HDAC9: variants seen among roughly 807,000 people sequenced by gnomAD.
The protein encoded by HDAC9 is histone deacetylase 9, also known as MEF-2 interacting transcription repressor (MITR) protein.
In HDAC9, 41 loss-of-function variants were observed where a neutral mutation model predicts 139.4. That is an observed-to-expected ratio of 0.29 (90% CI 0.23 to 0.38). The LOEUF is 0.38. Ranked by LOEUF, HDAC9 falls within the 10% of genes least tolerant of loss-of-function variation. The pLI is 1.00. For synonymous variants in HDAC9, 517 were observed against 476.2 expected (o/e 1.09, Z -1.12); for missense variants, 1,147 against 1,297.0 (o/e 0.88, Z 1.78).
At chr7:18,963,415 C>A (rs1218063617) in intron 24 of HDAC9, among the ~76,000 whole-genome samples, 2 of 151,906 alleles carry the variant, frequency 1.3e-5, no homozygotes, top group Non-Finnish European at 2.9e-5. Flanking sequence ...AGATTAAGCC[C>A]AACAAAATAT....
At chr7:18,933,178 G>T (rs1221406151) in intron 22 of HDAC9, among the ~76,000 whole-genome samples, 1 of 152,056 alleles carries the variant, frequency 6.6e-6, no homozygotes, top group Non-Finnish European at 1.5e-5. Context: ...TCACAGTTCT[G>T]GTTACTGTAA....
intron 2 of HDAC9, among the ~76,000 whole-genome samples, chr7:18,244,118 C>T (rs945699594): frequency 2.6e-5 from 4 of 151,920 alleles, no homozygotes; most frequent in Non-Finnish European, 5.9e-5. Context: ...TAAAATAAAA[C>T]GAGTAACTTC....
intron 1 of HDAC9, among the ~76,000 whole-genome samples, chr7:18,122,794 T>G (rs906419568): frequency 2.6e-5 from 4 of 152,062 alleles, no homozygotes; most frequent in Admixed American, 2.0e-4. Flanking sequence ...AATTTTTATA[T>G]CTTTAGTTGA....
intron 1 of HDAC9, among the ~76,000 whole-genome samples, chr7:18,353,580 T>C (rs1783022386): frequency 1.3e-5 from 2 of 152,170 alleles, no homozygotes. Context: ...ATTCCCTGAG[T>C]GCAAATGAAT....
At chr7:18,600,915 G>A (rs752281147) in intron 6 of HDAC9, among the ~76,000 whole-genome samples, 1 of 152,034 alleles carries the variant, frequency 6.6e-6, no homozygotes, top group East Asian at 1.9e-4. Flanking sequence ...TGATCTTCCC[G>A]CCTCAGCCTC....
intron 22 of HDAC9, among the ~76,000 whole-genome samples, chr7:18,876,610 T>C (rs1265806569): frequency 6.6e-6 from 1 of 152,200 alleles, no homozygotes; most frequent in Non-Finnish European, 1.5e-5. Context: ...TCAAAGTTCT[T>C]ATCCTGAATC....
At chr7:18,410,146 G>A (rs1381689679) in intron 1 of HDAC9, among the ~76,000 whole-genome samples, 2 of 152,088 alleles carry the variant, frequency 1.3e-5, no homozygotes, top group African/African-American at 2.4e-5. Context: ...TAGTTTGAAG[G>A]TACTTCATCC....
At chr7:18,706,590 A>C (rs1178112) in intron 12 of HDAC9, among the ~76,000 whole-genome samples, 1 of 152,178 alleles carries the variant, frequency 6.6e-6, no homozygotes, top group East Asian at 1.9e-4. Context: ...CAAAGCTCAC[A>C]GTTGAGCGCA....
At chr7:18,819,776 C>G (rs949243440) in intron 17 of HDAC9, among the ~76,000 whole-genome samples, 10 of 152,128 alleles carry the variant, frequency 6.6e-5, no homozygotes, top group African/African-American at 2.4e-4. Context: ...TAGTCATGTT[C>G]ATGCCTGAAG....
rs1786712750 is a variant in HDAC9, at chr7:19,000,809, T to G, written c.*4747T>G. The G allele has an allele frequency of 6.6e-6, 1 of 152,182 alleles. No individual in the cohort carries two copies. The highest frequency in any genetic ancestry group is 2.4e-5 in the African/African-American group (1 of 41,458). The allele number at this position is 152,182 out of a possible 1,614,324, so 9.4% of individuals were successfully genotyped here. A position where few individuals can be genotyped will look rare whatever the true frequency, so the allele number is the denominator to read the frequency against. On this transcript the variant is annotated 3_prime_UTR_variant, in exon 26 of 26. Transcript: ENST00000686413. ...ACTCTTCTCTTTTTCTGCCTAACAA[T>G]CTATACGAAATTGCCAATATCTAAG... is the stretch of plus-strand genomic sequence containing the variant.
intron 1 of HDAC9, among the ~76,000 whole-genome samples, chr7:18,320,393 C>T (rs1490032446): frequency 6.6e-6 from 1 of 152,104 alleles, no homozygotes; most frequent in East Asian, 1.9e-4. Flanking sequence ...TTTTTCAGGA[C>T]AGTAATAATG....
chr7:18,403,695 A>C (rs975517101), intron 1 of HDAC9, among the ~76,000 whole-genome samples: 3 of 152,228 alleles, frequency 2.0e-5, no homozygotes, highest in African/African-American at 7.2e-5. Flanking sequence ...TACTATGTCC[A>C]AGGTTCTGAT....
intron 2 of HDAC9, among the ~76,000 whole-genome samples, chr7:18,211,835 G>T (rs1003973276): frequency 6.6e-6 from 1 of 152,108 alleles, no homozygotes; most frequent in Non-Finnish European, 1.5e-5. Flanking sequence ...AGGACATTTA[G>T]CTGAGAAGGA....
intron 1 of HDAC9, among the ~76,000 whole-genome samples, chr7:18,452,985 A>C (rs554836968): frequency 3.9e-5 from 6 of 152,124 alleles, no homozygotes; most frequent in Non-Finnish European, 8.8e-5. Flanking sequence ...AAACAATAAA[A>C]TGTTACCTTT....
intron 9 of HDAC9, 34 bp from the exon 10 acceptor site, chr7:18,647,751 A>C (rs748431984): frequency 1.3e-6 from 2 of 1,540,962 alleles, no homozygotes; most frequent in Admixed American, 3.9e-5. Context: ...CATGGATGAA[A>C]GAGGATTAAC....
chr7:18,674,510 A>G (rs552166097), intron 12 of HDAC9, among the ~76,000 whole-genome samples: 81 of 152,028 alleles, frequency 5.3e-4, no homozygotes, highest in African/African-American at 1.9e-3. Flanking sequence ...CTTATTTATC[A>G]TTATCTGTGT....
chr7:18,894,233 G>A (rs1363797008), intron 22 of HDAC9, among the ~76,000 whole-genome samples: 4 of 152,096 alleles, frequency 2.6e-5, no homozygotes, highest in East Asian at 1.9e-4. Flanking sequence ...GCATATAGAC[G>A]CTATTTAAAG....
chr7:18,673,441 C>T (rs181603374), intron 12 of HDAC9, among the ~76,000 whole-genome samples: 90 of 151,940 alleles, frequency 5.9e-4, no homozygotes, highest in Non-Finnish European at 1.1e-3. Flanking sequence ...GAGGTACAGC[C>T]TAAGTAGAAA....
chr7:18,796,882 A>G (rs1486171679), intron 17 of HDAC9, among the ~76,000 whole-genome samples: 1 of 152,214 alleles, frequency 6.6e-6, no homozygotes, highest in Non-Finnish European at 1.5e-5. Flanking sequence ...CAATGCTACC[A>G]TGTCTTCATA....
Sources: allele counts gnomAD v4.1 joint callset (sites outside exome capture counted in the v4.1 genomes callset), GRCh38; gene constraint gnomAD v4.1.1; transcripts MANE v1.5; gene names NCBI Gene and HGNC (gene_info 2026-07-23, HGNC 2026-07-21).